DISC1: variants seen among roughly 807,000 people sequenced by gnomAD.
DISC1 encodes DISC1 scaffold protein.
DISC1 carries 57 observed loss-of-function variants against 84.5 expected under a neutral mutation model. That is an observed-to-expected ratio of 0.67 (90% CI 0.55 to 0.84). The LOEUF is 0.84. Among genes scored for constraint, DISC1 ranks in the 40% least tolerant of loss-of-function variants. DISC1 has a pLI of 0.00. For missense variants in DISC1, 1,000 were observed against 1,057.8 expected, an observed-to-expected ratio of 0.95 and a Z score of 0.76; for synonymous variants, 411 against 415.2, an observed-to-expected ratio of 0.99 and a Z score of 0.12.
At chr1:231,938,872 A>G (rs2126126195) in intron 9 of DISC1, among the ~76,000 whole-genome samples, 1 of 152,308 alleles carries the variant, frequency 6.6e-6, no homozygotes, top group East Asian at 1.9e-4. Flanking sequence ...AAACACATCT[A>G]ACCCTACATG....
At chr1:231,955,746 T>A (rs1318837095) in intron 9 of DISC1, among the ~76,000 whole-genome samples, 3 of 152,096 alleles carry the variant, frequency 2.0e-5, no homozygotes, top group Admixed American at 2.0e-4. Context: ...CACCTCAGCC[T>A]CCCAAAGTGC....
chr1:231,963,220 T>C (rs199774504), intron 10 of DISC1, among the ~76,000 whole-genome samples: 3 of 151,974 alleles, frequency 2.0e-5, no homozygotes, highest in Non-Finnish European at 4.4e-5. Context: ...TTGTAGCTGA[T>C]ACTTGTTCCC....
At chr1:231,713,800 TATATATAGGAGATATATATATAGGAGAG>T (rs1239631461) in intron 3 of DISC1, among the ~76,000 whole-genome samples, 9 of 144,806 alleles carry the variant, frequency 6.2e-5, no homozygotes, top group Admixed American at 4.9e-4. Flanking sequence ...AGGAGATATA[TATATATAGGAGATATATATATAGGAGAG>T]ATATATATAG....
chr1:231,752,033 T>G (rs1261702240), intron 4 of DISC1, among the ~76,000 whole-genome samples: 4 of 152,200 alleles, frequency 2.6e-5, no homozygotes, highest in Non-Finnish European at 4.4e-5. Context: ...CACCAGCAGG[T>G]GAGTGCTGAG....
chr1:231,868,878 C>A (rs1454220716), intron 9 of DISC1, among the ~76,000 whole-genome samples: 1 of 108,440 alleles, frequency 9.2e-6, no homozygotes, highest in African/African-American at 3.3e-5. Context: ...GAGTAAGACC[C>A]TGTCTCTAAA....
Position 231,727,279 on chromosome 1 carries a change from T to G in DISC1, c.1118-22647T>G, listed in dbSNP as rs562566205. On this transcript the variant is annotated intron_variant, in intron 3 of 12. Transcript: ENST00000439617. ...GGATTCTTATTTTCTGCTACTGATA[T>G]TTTTGCTAGTGTATAAGATAGAATT... 7.2e-5 allele frequency among the ~76,000 whole-genome samples: 11 copies of G among 152,262 alleles called. No homozygotes were observed. In the South Asian group the frequency reaches 2.3e-3, roughly 32 times the overall value.
intron 9 of DISC1, among the ~76,000 whole-genome samples, chr1:231,870,826 G>A (rs2085403602): frequency 6.6e-6 from 1 of 152,144 alleles, no homozygotes; most frequent in Non-Finnish European, 1.5e-5. Context: ...ACTGAGATAT[G>A]CCTGGTGAAA....
At chr1:231,921,582 G>A (rs1314452254) in intron 9 of DISC1, among the ~76,000 whole-genome samples, 1 of 151,890 alleles carries the variant, frequency 6.6e-6, no homozygotes, top group Non-Finnish European at 1.5e-5. Context: ...TCTTCAAAAA[G>A]TCAACTTAAA....
At chr1:231,985,534 T>C (rs1258153692) in intron 10 of DISC1, among the ~76,000 whole-genome samples, 2 of 152,106 alleles carry the variant, frequency 1.3e-5, no homozygotes, top group Non-Finnish European at 2.9e-5. Context: ...TAATAAGGAT[T>C]AGATGTCAGA....
chr1:231,702,086 A>T (rs2066496535), intron 3 of DISC1, 62 bp downstream of exon 3: 1 of 1,562,738 alleles, frequency 6.4e-7, no homozygotes, highest in Admixed American at 2.0e-5. Flanking sequence ...TTCCATCTTT[A>T]CTCATATCTA....
At position 232,036,093 on chromosome 1, in the gene DISC1, T is replaced by G. The variant is rs555046325; in HGVS notation, c.2426-599T>G. 1.4e-4 allele frequency among the ~76,000 whole-genome samples: 22 copies of G among 152,306 alleles called. No homozygotes were observed. The East Asian group carries it at 4.2e-3, about 29-fold the overall frequency. ...CCCTTCCTAGTTCCTGGGAATATAC[T>G]AACAGATAACAGCAGGTTAGAGCCT... On this transcript the variant is annotated intron_variant, in intron 12 of 12. Coordinates refer to ENST00000439617, the MANE Select transcript of DISC1 (RefSeq NM_018662.3).
intron 9 of DISC1, among the ~76,000 whole-genome samples, chr1:231,854,013 C>T (rs201963030): frequency 3.0e-4 from 45 of 152,302 alleles, no homozygotes; most frequent in Admixed American, 6.5e-4. Flanking sequence ...AGACGAAGGG[C>T]CAAGCTGCTC....
chr1:231,848,693 T>C (rs2083637652), intron 9 of DISC1, among the ~76,000 whole-genome samples: 4 of 152,226 alleles, frequency 2.6e-5, no homozygotes, highest in Admixed American at 2.6e-4. Context: ...AAATAACACA[T>C]GCAACTTTCA....
intron 1 of DISC1, among the ~76,000 whole-genome samples, chr1:231,640,702 T>C (rs2059569551): frequency 6.6e-6 from 1 of 151,890 alleles, no homozygotes. Flanking sequence ...CTATTTTTAT[T>C]TTTATTTATT....
chr1:231,786,519 G>A (rs1487976467), intron 6 of DISC1, among the ~76,000 whole-genome samples: 4 of 152,204 alleles, frequency 2.6e-5, no homozygotes, highest in Non-Finnish European at 5.9e-5. Flanking sequence ...TCCAGTGCCA[G>A]GTGCTAAGGT....
chr1:231,760,644 G>C (rs769413618), intron 4 of DISC1, among the ~76,000 whole-genome samples: 1 of 152,144 alleles, frequency 6.6e-6, no homozygotes, highest in Non-Finnish European at 1.5e-5. Flanking sequence ...ACAACATTAG[G>C]GGTCTCAGAG....
chr1:231,691,419 G>A (rs995939544), intron 1 of DISC1, among the ~76,000 whole-genome samples: 7 of 150,086 alleles, frequency 4.7e-5, no homozygotes, highest in African/African-American at 1.7e-4. Flanking sequence ...CAACAGGAGC[G>A]AGACTGTCTC....
intron 10 of DISC1, among the ~76,000 whole-genome samples, chr1:231,967,723 C>T (rs1431528825): frequency 2.6e-5 from 4 of 152,034 alleles, no homozygotes; most frequent in Admixed American, 6.6e-5. Flanking sequence ...AAATATAAAG[C>T]GCTTAATTCT....
intron 3 of DISC1, among the ~76,000 whole-genome samples, chr1:231,740,919 T>C (rs552053434): frequency 7.9e-5 from 12 of 152,284 alleles, no homozygotes; most frequent in Non-Finnish European, 1.5e-4. Context: ...CTTTCAGACT[T>C]TGGGGCATTT....
Sources: gnomAD v4.1 joint callset for allele counts (sites outside exome capture counted in the v4.1 genomes callset) on GRCh38, gnomAD v4.1.1 for gene constraint, MANE v1.5 for transcripts, NCBI Gene and HGNC (gene_info 2026-07-23, HGNC 2026-07-21) for gene names.